AMN1: variants seen among roughly 807,000 people sequenced by gnomAD.
AMN1 encodes antagonist of mitotic exit network 1 homolog, also known as protein AMN1 homolog.
A neutral mutation model predicts 33.0 loss-of-function variants in AMN1; 20 were observed. The observed-to-expected ratio is 0.61, with a 90% CI of 0.43 to 0.88. The LOEUF (loss-of-function observed/expected upper bound fraction) is 0.88, where lower values mean the gene tolerates loss of function less well. Ranked by LOEUF, AMN1 falls within the 40% of genes least tolerant of loss-of-function variation. AMN1 has a pLI of 0.00. For synonymous variants in AMN1, 114 were observed against 111.9 expected (o/e 1.02, Z -0.12); for missense variants, 246 against 307.4 (o/e 0.80, Z 1.49).
At chr12:31,702,668 T>C (rs192539499) in intron 2 of AMN1, among the ~76,000 whole-genome samples, 3 of 152,280 alleles carry the variant, frequency 2.0e-5, no homozygotes, top group Admixed American at 2.0e-4. Context: ...TAATAAGTTA[T>C]AAGAATAATG....
rs114389033 is a variant in AMN1 at position 31,685,526 on chromosome 12, C to T, written c.703+3481G>A. Among the ~76,000 whole-genome samples the T allele has an allele frequency of 3.0e-3, 464 of 152,156 alleles. 6 individuals carry two copies. Among genetic ancestry groups the T allele is most frequent in the South Asian group, 0.019 (92 of 4,820 alleles). ...ACTATAGAACGCTCAAACAGCTGGG[C>T]GTGGTAGCTCACGCTTGTAATCCCA... On this transcript the variant is annotated intron_variant, in intron 6 of 6. Coordinates refer to ENST00000281471, the MANE Select transcript of AMN1 (RefSeq NM_001113402.2).
chr12:31,710,308 T>C lies in AMN1; in HGVS notation c.39-883A>G, dbSNP rs563234465. 3.3e-5 allele frequency among the ~76,000 whole-genome samples: 5 copies of C among 152,272 alleles called. No individual in the cohort carries two copies. In the South Asian group the frequency reaches 1.0e-3, roughly 32 times the overall value. On this transcript the variant is annotated intron_variant, in intron 1 of 6. Coordinates refer to ENST00000281471, the MANE Select transcript of AMN1 (RefSeq NM_001113402.2). ...CTGAAATTCCAACCATCTGAAAAACTCATACTTTAAAGAAACAAATACAAA... is the reference window on the plus strand; with the variant it reads ...CTGAAATTCCAACCATCTGAAAAACCCATACTTTAAAGAAACAAATACAAA...
chr12:31,701,703 C>T (rs547934296), intron 3 of AMN1, among the ~76,000 whole-genome samples, 160 bp downstream of exon 3: 1 of 152,258 alleles, frequency 6.6e-6, no homozygotes, highest in African/African-American at 2.4e-5. Flanking sequence ...AGAATTCTAA[C>T]TTGGATTATT....
In AMN1 at chr12:31,709,265, C is replaced by T. The variant is rs745993535; in HGVS notation, c.171+28G>A. 8 of 1,607,284 alleles carry T rather than the reference C, an allele frequency of 5.0e-6. No individual in the cohort carries two copies. In the South Asian group the frequency reaches 8.8e-5, roughly 18 times the overall value. On this transcript the variant is annotated intron_variant, in intron 2 of 6. Transcript: ENST00000281471. ...ATATCTAAACAGAAAATATAATATGCTTGCTTTACAGTTATTCATACTCTT... is the reference window on the plus strand; with the variant it reads ...ATATCTAAACAGAAAATATAATATGTTTGCTTTACAGTTATTCATACTCTT...
rs747706961 is a variant in AMN1 at position 31,697,373 on chromosome 12, C to T, written c.579G>A (p.Ala193=). 69 of 1,611,024 alleles carry T rather than the reference C, an allele frequency of 4.3e-5. No individual in the cohort carries two copies. The highest frequency in any genetic ancestry group is 3.1e-4 in the African/African-American group (23 of 74,858). ...GTTTTAAAATTACCTCTAATTTCTT[C>T]GCACAAGGTCCACTAACAAGTGCAA... is the stretch of plus-strand genomic sequence containing the variant. ...GVIALVSGPC[A]KKLEEIHMGH... Residue 193 remains alanine, a synonymous_variant, in exon 5 of 7, where the codon GCG becomes GCA. Coordinates refer to ENST00000281471, the MANE Select transcript of AMN1 (RefSeq NM_001113402.2).
chr12:31,726,822 T>A lies in AMN1; in HGVS notation c.38+2149A>T, dbSNP rs1288378710. 2.0e-5 allele frequency among the ~76,000 whole-genome samples: 3 copies of A among 152,240 alleles called. No homozygotes were observed. The East Asian group carries it at 5.8e-4, about 29-fold the overall frequency. ...TTTACCTAGGGACCACACTCTAGCA[T>A]GACAATGAAGATCATGTAGTCATCC... On this transcript the variant is annotated intron_variant, in intron 1 of 6. Transcript: ENST00000281471.
Position 31,702,014 on chromosome 12 carries a change from CA to C in AMN1, c.172-8del. The C allele has an allele frequency of 1.3e-6, 2 of 1,575,910 alleles. No individual in the cohort carries two copies. The highest frequency in any genetic ancestry group is 2.0e-5 in the Admixed American group (1 of 49,628). ...GGACTTCAGGATGTAAAATCTATAA[CA>C]AATAAGTGATTTTGAAAAAATTATT... On this transcript the variant is annotated splice_polypyrimidine_tract_variant and splice_region_variant and intron_variant, in intron 2 of 6. Coordinates refer to ENST00000281471, the MANE Select transcript of AMN1 (RefSeq NM_001113402.2).
chr12:31,713,364 T>C (rs953089521), intron 1 of AMN1, among the ~76,000 whole-genome samples: 4 of 152,240 alleles, frequency 2.6e-5, no homozygotes, highest in Non-Finnish European at 4.4e-5. Flanking sequence ...TTCTAGTTTA[T>C]GATATTTGTA....
intron 1 of AMN1, chr12:31,715,224 A>G (rs1939624552): frequency 6.5e-6 from 1 of 154,164 alleles, no homozygotes; most frequent in South Asian, 2.0e-4. Flanking sequence ...TTACCTATCT[A>G]GTCCTACATC....
rs146886754 is a variant in AMN1, at chr12:31,725,517, A to C, written c.38+3454T>G. 5.4e-3 allele frequency among the ~76,000 whole-genome samples: 821 copies of C among 152,338 alleles called. 3 individuals carry two copies. Among genetic ancestry groups the C allele is most frequent in the Middle Eastern group, 0.017 (5 of 294 alleles). Reference sequence around the variant, plus strand: ...ATGGTGAATTGATCTAACAAATAAAAGAGTTTTGGCAACATGGACTGCTTC... The same window carrying C: ...ATGGTGAATTGATCTAACAAATAAACGAGTTTTGGCAACATGGACTGCTTC... On this transcript the variant is annotated intron_variant, in intron 1 of 6. Coordinates refer to ENST00000281471, the MANE Select transcript of AMN1 (RefSeq NM_001113402.2).
chr12:31,710,276 C>G (rs1441883306), intron 1 of AMN1, among the ~76,000 whole-genome samples: 3 of 152,116 alleles, frequency 2.0e-5, no homozygotes, highest in Admixed American at 1.3e-4. Context: ...CATATCTTAT[C>G]TGTGTCCTGA....
At chr12:31,722,336 C>T (rs1044499714) in intron 1 of AMN1, among the ~76,000 whole-genome samples, 4 of 152,082 alleles carry the variant, frequency 2.6e-5, no homozygotes, top group South Asian at 4.1e-4. Flanking sequence ...TCTTTTACTG[C>T]GCAGAGGTTG....
Position 31,671,353 on chromosome 12 carries a change from T to G in AMN1, c.*951A>C, listed in dbSNP as rs1951266413. 1 of 152,092 alleles carries G rather than the reference T, an allele frequency of 6.6e-6. No individual in the cohort carries two copies. 9.4% of individuals were successfully genotyped at this position (152,092 alleles called of 1,614,324 possible). On this transcript the variant is annotated 3_prime_UTR_variant, in exon 7 of 7. Transcript: ENST00000281471. ...GTACCCCCCAACATATACAAGAAAG[T>G]TAGCATACTTACCCCGTTTTTCACT... is the stretch of plus-strand genomic sequence containing the variant.
chr12:31,715,278 G>A (rs192226485), intron 1 of AMN1: 2 of 177,178 alleles, frequency 1.1e-5, no homozygotes, highest in African/African-American at 2.4e-5. Flanking sequence ...AAATGACACT[G>A]GCCAGTATAG....
intron 2 of AMN1, 90 bp downstream of exon 2, chr12:31,709,203 G>T (rs1939371591): frequency 7.0e-7 from 1 of 1,420,032 alleles, no homozygotes; most frequent in Non-Finnish European, 9.8e-7. Flanking sequence ...ATGATTACCA[G>T]TCTTACCATA....
At chr12:31,685,265 G>A (rs1190442583) in intron 6 of AMN1, among the ~76,000 whole-genome samples, 1 of 151,942 alleles carries the variant, frequency 6.6e-6, no homozygotes, top group African/African-American at 2.4e-5. Flanking sequence ...CTGACCTCAA[G>A]TGGTCTGCCC....
intron 2 of AMN1, among the ~76,000 whole-genome samples, chr12:31,705,019 G>A (rs1033082401): frequency 2.6e-5 from 4 of 152,134 alleles, no homozygotes; most frequent in Non-Finnish European, 5.9e-5. Context: ...CAATAAGAAC[G>A]TGGAGATATT....
intron 6 of AMN1, among the ~76,000 whole-genome samples, chr12:31,677,349 G>A (rs1275206458): frequency 1.3e-5 from 2 of 152,118 alleles, no homozygotes; most frequent in East Asian, 3.9e-4. Context: ...CTGAAAAAGG[G>A]CTAACGGGTC....
intron 6 of AMN1, 106 bp downstream of exon 6, chr12:31,688,901 T>C: frequency 1.6e-6 from 1 of 621,764 alleles, no homozygotes; most frequent in Non-Finnish European, 2.8e-6. Context: ...TATGCCTGTT[T>C]TACAGATGAG....
Sources: allele counts gnomAD v4.1 joint callset (sites outside exome capture counted in the v4.1 genomes callset), GRCh38; gene constraint gnomAD v4.1.1; transcripts MANE v1.5; gene names NCBI Gene and HGNC (gene_info 2026-07-23, HGNC 2026-07-21).